EIF4G3: variants seen among roughly 807,000 people sequenced by gnomAD.
EIF4G3 encodes the protein eukaryotic translation initiation factor 4 gamma 3.
Under a neutral mutation model 186.4 loss-of-function variants are expected in EIF4G3, and 34 were observed. The observed-to-expected ratio is 0.18, with a 90% CI of 0.14 to 0.24. EIF4G3 has a LOEUF of 0.24. Ranked by LOEUF, EIF4G3 falls within the 10% of genes least tolerant of loss-of-function variation. The pLI, the probability that EIF4G3 is intolerant of heterozygous loss-of-function variation, is 1.00. For missense variants in EIF4G3, 1,536 were observed against 1,948.5 expected (o/e 0.79, Z 3.99); for synonymous variants, 673 against 679.5 (o/e 0.99, Z 0.15).
chr1:21,004,011 G>T (rs1443542310), intron 4 of EIF4G3: 1 of 162,894 alleles, frequency 6.1e-6, no homozygotes, highest in East Asian at 1.9e-4. Context: ...GACCTACTGT[G>T]AATTCATCTA....
At chr1:21,117,763 T>TAAAAAAAAAAAAA (rs757506833) in intron 2 of EIF4G3, among the ~76,000 whole-genome samples, 57 of 107,496 alleles carry the variant, frequency 5.3e-4, no homozygotes, top group Admixed American at 7.4e-4. Context: ...AAAAAAAAAT[T>TAAAAAAAAAAAAA]AAAAGCAGAA....
At chr1:21,167,261 T>C (rs2097870912) in intron 2 of EIF4G3, among the ~76,000 whole-genome samples, 1 of 152,212 alleles carries the variant, frequency 6.6e-6, no homozygotes, top group Admixed American at 6.5e-5. Flanking sequence ...TCTCTCCTTA[T>C]TCCAAAATTA....
intron 4 of EIF4G3, among the ~76,000 whole-genome samples, chr1:21,023,547 T>C (rs911674133): frequency 1.5e-4 from 23 of 152,136 alleles, no homozygotes; most frequent in African/African-American, 3.4e-4. Context: ...GACGGAGTCT[T>C]GTTCACTCAG....
intron 13 of EIF4G3, among the ~76,000 whole-genome samples, chr1:20,946,651 T>G (rs1214235227): frequency 6.6e-6 from 1 of 152,210 alleles, no homozygotes; most frequent in Non-Finnish European, 1.5e-5. Flanking sequence ...TTGTCCCTTT[T>G]AATTCTCACA....
intron 2 of EIF4G3, among the ~76,000 whole-genome samples, chr1:21,168,929 G>C (rs973816137): frequency 6.6e-6 from 1 of 152,070 alleles, no homozygotes; most frequent in South Asian, 2.1e-4. Flanking sequence ...TGTAATCCCA[G>C]AACTTTGGGA....
chr1:20,969,434 G>T, intron 12 of EIF4G3, 40 bp downstream of exon 12: 1 of 1,611,224 alleles, frequency 6.2e-7, no homozygotes, highest in South Asian at 1.1e-5. Flanking sequence ...AGAGGTTAGT[G>T]AACAAATAGT....
chr1:20,848,752 T>C (rs567358484), intron 29 of EIF4G3, among the ~76,000 whole-genome samples: 20 of 152,174 alleles, frequency 1.3e-4, no homozygotes, highest in African/African-American at 3.9e-4. Context: ...AGAATGATTA[T>C]AAAGACCATG....
At chr1:20,876,156 G>A (rs1279588309) in intron 20 of EIF4G3, among the ~76,000 whole-genome samples, 1 of 139,708 alleles carries the variant, frequency 7.2e-6, no homozygotes, top group African/African-American at 2.6e-5. Context: ...CCAGGAGTTT[G>A]AAGCTGCAGT....
intron 10 of EIF4G3, among the ~76,000 whole-genome samples, chr1:20,973,547 C>T (rs939654770): frequency 6.6e-6 from 1 of 152,152 alleles, no homozygotes; most frequent in African/African-American, 2.4e-5. Context: ...TCTAATTCTT[C>T]TCCTTACTCA....
In EIF4G3 at chr1:21,001,265, C is replaced by T. The variant is rs2083449520; in HGVS notation, c.78G>A (p.Arg26=). 2 of 471,494 alleles carry T rather than the reference C, an allele frequency of 4.2e-6. No homozygotes were observed. The highest frequency in any genetic ancestry group is 8.8e-6 in the Non-Finnish European group (2 of 227,126). 29.2% of individuals were successfully genotyped at this position (471,494 alleles called of 1,614,324 possible). A position where few individuals can be genotyped will look rare whatever the true frequency, so the allele number is the denominator to read the frequency against. Residue 26 remains arginine, a synonymous_variant, in exon 6 of 37, where the codon AGG becomes AGA. Coordinates refer to ENST00000602326, the MANE Select transcript of EIF4G3 (RefSeq NM_001391906.1). ...AAACGGGAGTCTGTTCCAAAACCTT[C>T]CTCCTCTTCCAGTTGTCTGTGCAAT... ...PIHCTDNWKR[R]KVLEQTPVYR...
intron 4 of EIF4G3, among the ~76,000 whole-genome samples, chr1:21,015,052 C>A: frequency 7.1e-6 from 1 of 140,530 alleles, no homozygotes; most frequent in African/African-American, 2.7e-5. Context: ...AGAATATTAA[C>A]AAAGAGATAG....
At chr1:20,883,251 G>A (rs1368189079) in intron 19 of EIF4G3, among the ~76,000 whole-genome samples, 2 of 152,132 alleles carry the variant, frequency 1.3e-5, no homozygotes, top group Admixed American at 1.3e-4. Context: ...TACTAGGGTT[G>A]ATTAGAGACC....
chr1:21,147,668 A>C (rs1242941531), intron 2 of EIF4G3, among the ~76,000 whole-genome samples: 2 of 152,176 alleles, frequency 1.3e-5, no homozygotes, highest in African/African-American at 4.8e-5. Flanking sequence ...ATCTCAAAAA[A>C]TACATGAGCC....
chr1:20,993,924 G>T (rs2081666518), intron 7 of EIF4G3, among the ~76,000 whole-genome samples: 2 of 152,138 alleles, frequency 1.3e-5, no homozygotes, highest in South Asian at 4.1e-4. Context: ...TGTATTATGA[G>T]CAACTCCTCT....
At chr1:21,147,415 A>G (rs2097464115) in intron 2 of EIF4G3, among the ~76,000 whole-genome samples, 2 of 151,244 alleles carry the variant, frequency 1.3e-5, no homozygotes, top group Non-Finnish European at 2.9e-5. Context: ...ATCTCGGCTC[A>G]CTGCAACCTC....
In EIF4G3 at chr1:21,094,556, G is replaced by A. The variant is rs185067875; in HGVS notation, c.-271-5343C>T. Among the ~76,000 whole-genome samples the A allele has an allele frequency of 4.0e-5, 6 of 148,758 alleles. No individual in the cohort carries two copies. In the East Asian group the frequency reaches 1.2e-3, roughly 30 times the overall value. On this transcript the variant is annotated intron_variant, in intron 2 of 36. Transcript: ENST00000602326. ...AAACACCACATGTTCTCACTCATAG[G>A]TGGGAACTGAACAATGAGAACACTT...
intron 7 of EIF4G3, among the ~76,000 whole-genome samples, chr1:20,987,096 G>T (rs879875051): frequency 6.6e-6 from 1 of 152,040 alleles, no homozygotes; most frequent in African/African-American, 2.4e-5. Flanking sequence ...GTTTCCTCTC[G>T]AAAAATCCTT....
At chr1:20,958,458 G>T (rs1297709132) in intron 12 of EIF4G3, among the ~76,000 whole-genome samples, 1 of 152,088 alleles carries the variant, frequency 6.6e-6, no homozygotes. Context: ...ATGGGAAAAA[G>T]TTGAAAGCAT....
intron 2 of EIF4G3, chr1:21,111,637 G>A (rs1368115876): frequency 3.9e-6 from 1 of 257,228 alleles, no homozygotes; most frequent in Non-Finnish European, 7.8e-6. Flanking sequence ...GTGGGAGCAT[G>A]TGAGATAGAT....
Sources: allele counts gnomAD v4.1 joint callset (sites outside exome capture counted in the v4.1 genomes callset), GRCh38; gene constraint gnomAD v4.1.1; transcripts MANE v1.5; gene names NCBI Gene and HGNC (gene_info 2026-07-23, HGNC 2026-07-21).